Variants in OSBPL1A observed in about 807,000 individuals in gnomAD.
OSBPL1A encodes oxysterol-binding protein-related protein 1.
A neutral mutation model predicts 137.1 loss-of-function variants in OSBPL1A; 80 were observed. The ratio of observed to expected loss-of-function variants is 0.58; its 90% CI spans 0.49 to 0.70. OSBPL1A has a LOEUF of 0.70. OSBPL1A is among the 30% of genes least tolerant of loss of function. OSBPL1A has a pLI of 0.00. For missense variants in OSBPL1A, 970 were observed against 1,129.4 expected, an observed-to-expected ratio of 0.86 and a Z score of 2.02; for synonymous variants, 365 against 389.7, an observed-to-expected ratio of 0.94 and a Z score of 0.75.
At chr18:24,339,839 A>C (rs1385245837) in intron 5 of OSBPL1A, among the ~76,000 whole-genome samples, 1 of 152,216 alleles carries the variant, frequency 6.6e-6, no homozygotes, top group East Asian at 1.9e-4. Flanking sequence ...GAGTGCAGAA[A>C]CAAGACACTG....
intron 17 of OSBPL1A, among the ~76,000 whole-genome samples, chr18:24,201,209 TCTAGA>T (rs1422607978): frequency 9.9e-5 from 15 of 152,180 alleles, no homozygotes; most frequent in Non-Finnish European, 1.8e-4. Context: ...ATTACGACTA[TCTAGA>T]CAACAGCACA....
intron 4 of OSBPL1A, among the ~76,000 whole-genome samples, chr18:24,354,047 C>T (rs1297163684): frequency 6.6e-6 from 1 of 151,070 alleles, no homozygotes; most frequent in Non-Finnish European, 1.5e-5. Flanking sequence ...TGCACATGTA[C>T]CCTAAAACTT....
intron 1 of OSBPL1A, among the ~76,000 whole-genome samples, chr18:24,391,732 AAAACAAAC>A: frequency 6.6e-6 from 1 of 152,264 alleles, no homozygotes; most frequent in African/African-American, 2.4e-5. Flanking sequence ...TCTTTTTTAA[AAAACAAAC>A]AAACAAACGA....
intron 17 of OSBPL1A, among the ~76,000 whole-genome samples, chr18:24,216,487 A>T (rs1284029111): frequency 6.6e-6 from 1 of 152,236 alleles, no homozygotes; most frequent in Non-Finnish European, 1.5e-5. Context: ...AGCCTTGGCG[A>T]CAGAGCGAGA....
intron 13 of OSBPL1A, among the ~76,000 whole-genome samples, chr18:24,309,482 T>G (rs1250292513): frequency 6.6e-6 from 1 of 152,188 alleles, no homozygotes; most frequent in African/African-American, 2.4e-5. Context: ...TCCAAAAGCA[T>G]GTTAAGGAAA....
chr18:24,186,903 C>CAAAAA (rs57438319), intron 18 of OSBPL1A, among the ~76,000 whole-genome samples: 1 of 62,628 alleles, frequency 1.6e-5, no homozygotes, highest in Non-Finnish European at 3.1e-5. Context: ...GACTCTGTCT[C>CAAAAA]AAAAAAAAAA....
At chr18:24,203,926 T>C (rs904382201) in intron 17 of OSBPL1A, among the ~76,000 whole-genome samples, 17 of 152,202 alleles carry the variant, frequency 1.1e-4, no homozygotes, top group African/African-American at 1.7e-4. Context: ...AAAATACATT[T>C]TGTCATTCTC....
intron 15 of OSBPL1A, among the ~76,000 whole-genome samples, chr18:24,243,691 G>A (rs991345319): frequency 2.0e-5 from 3 of 152,216 alleles, no homozygotes; most frequent in African/African-American, 7.2e-5. Context: ...TTGGAAACAG[G>A]ACAGGAAGAG....
At chr18:24,278,403 T>C (rs1599605439) in intron 15 of OSBPL1A, among the ~76,000 whole-genome samples, 1 of 152,166 alleles carries the variant, frequency 6.6e-6, no homozygotes. Context: ...ACAATAACTG[T>C]TAACTTTTAT....
chr18:24,395,643 G>A (rs1367210395), intron 1 of OSBPL1A, among the ~76,000 whole-genome samples: 4 of 151,166 alleles, frequency 2.6e-5, no homozygotes, highest in Admixed American at 6.6e-5. Flanking sequence ...TTTGTGAGAC[G>A]GAGTTTCGCT....
chr18:24,170,405 G>A lies in OSBPL1A; in HGVS notation c.2340C>T (p.Tyr780=), dbSNP rs1292046980. 6.2e-7 allele frequency: 1 copy of A among 1,614,032 alleles called. No individual in the cohort carries two copies. The highest frequency in any genetic ancestry group is 1.7e-5 in the Admixed American group (1 of 60,008). ...CGTCAAACGTGGCAGGGTCAACACT[G>A]TATAAACATTCAGTCCACTTCCCAT... ...ALYGKWTECL[Y]SVDPATFDAY... Residue 780 remains tyrosine (Y), a synonymous_variant, in exon 24 of 28, where the codon TAC becomes TAT. Transcript: ENST00000319481.
chr18:24,332,918 G>A lies in OSBPL1A; in HGVS notation c.625+24C>T, dbSNP rs201057386. On this transcript the variant is annotated intron_variant, in intron 7 of 27. Coordinates refer to ENST00000319481, the MANE Select transcript of OSBPL1A (RefSeq NM_080597.4). ...ATTTTATAATTTCAAAATGGCCAAC[G>A]ATGGTTTTCACCAATATGCTTACCA... The A allele has an allele frequency of 1.1e-4, 175 of 1,605,248 alleles. No individual in the cohort carries two copies. The African/African-American group carries it at 2.1e-3, about 20-fold the overall frequency.
In OSBPL1A at chr18:24,280,974, G is replaced by T; in HGVS notation, c.1175-26C>A. 2.0e-6 allele frequency: 3 copies of T among 1,488,838 alleles called. No homozygotes were observed. The South Asian group carries it at 3.6e-5, about 18-fold the overall frequency. 92.2% of individuals were successfully genotyped at this position (1,488,838 alleles called of 1,614,324 possible). On this transcript the variant is annotated intron_variant, in intron 14 of 27. Transcript: ENST00000319481. ...CTATAAAGAAAAAAATAAATACAGT[G>T]AGTCGGATTTTAAGGAATCTTAAGG... is the stretch of plus-strand genomic sequence containing the variant.
At chr18:24,332,572 CAAAA>C (rs34897629) in intron 7 of OSBPL1A, among the ~76,000 whole-genome samples, 4 of 108,462 alleles carry the variant, frequency 3.7e-5, no homozygotes, top group African/African-American at 6.0e-5. Context: ...ATAGAAACAG[CAAAA>C]AAAAAAAAAA....
intron 16 of OSBPL1A, among the ~76,000 whole-genome samples, chr18:24,235,876 G>A (rs747961875): frequency 6.6e-6 from 1 of 152,168 alleles, no homozygotes; most frequent in Non-Finnish European, 1.5e-5. Flanking sequence ...ATTGAGATGG[G>A]GAGATTATAC....
chr18:24,289,592 G>A lies in OSBPL1A; in HGVS notation c.1175-8644C>T, dbSNP rs181427620. ...ACGCCACAACATTCGGCTAATTTTT[G>A]TATTTTTTAGTAGAGACAGGGTTTC... On this transcript the variant is annotated intron_variant, in intron 14 of 27. Transcript: ENST00000319481. Among the ~76,000 whole-genome samples the A allele has an allele frequency of 6.3e-4, 96 of 151,964 alleles. 1 individual carries two copies. The highest frequency in any genetic ancestry group is 5.0e-3 in the Admixed American group (77 of 15,268).
At chr18:24,316,305 C>T (rs1045398359) in intron 11 of OSBPL1A, among the ~76,000 whole-genome samples, 4 of 151,874 alleles carry the variant, frequency 2.6e-5, no homozygotes, top group African/African-American at 9.7e-5. Flanking sequence ...CCCACAATTA[C>T]CTGACATATG....
Position 24,177,996 on chromosome 18 carries a change from G to T in OSBPL1A, c.2093+17C>A. 6.2e-7 allele frequency: 1 copy of T among 1,607,080 alleles called. No individual in the cohort carries two copies. The highest frequency in any genetic ancestry group is 8.5e-7 in the Non-Finnish European group (1 of 1,174,256). ...AGGTCTACATGAAAAGAGTGTAATG[G>T]CTTGATCAGAACTCACTCAAGGAGC... On this transcript the variant is annotated intron_variant, in intron 21 of 27. Coordinates refer to ENST00000319481, the MANE Select transcript of OSBPL1A (RefSeq NM_080597.4).
intron 2 of OSBPL1A, among the ~76,000 whole-genome samples, chr18:24,371,348 T>C (rs893582499): frequency 6.6e-6 from 1 of 152,184 alleles, no homozygotes; most frequent in Admixed American, 6.5e-5. Context: ...GAGACAACTC[T>C]ACCTTAGCAA....
Sources: gnomAD v4.1 joint callset for allele counts (sites outside exome capture counted in the v4.1 genomes callset) on GRCh38, gnomAD v4.1.1 for gene constraint, MANE v1.5 for transcripts, NCBI Gene and HGNC (gene_info 2026-07-23, HGNC 2026-07-21) for gene names.